The following CCDC47 variants were observed in gnomAD, a reference collection of about 807,000 sequenced individuals.
CCDC47 encodes the protein coiled-coil domain containing 47, also known as PAT complex subunit CCDC47.
CCDC47 carries 41 observed loss-of-function variants against 60.5 expected under a neutral mutation model. That is an observed-to-expected ratio of 0.68 (90% CI 0.53 to 0.88). The LOEUF (loss-of-function observed/expected upper bound fraction) is 0.88. Ranked by LOEUF, CCDC47 falls within the 40% of genes least tolerant of loss-of-function variation. The pLI, the probability that CCDC47 is intolerant of heterozygous loss-of-function variation, is 0.00. For synonymous variants in CCDC47, 195 were observed against 190.7 expected (o/e 1.02, Z -0.18); for missense variants, 513 against 580.9 (o/e 0.88, Z 1.20).
Position 63,756,356 on chromosome 17 carries a change from GGAA to G in CCDC47, c.838-9_838-7del. On this transcript the variant is annotated splice_region_variant and splice_polypyrimidine_tract_variant and intron_variant, in intron 7 of 12. Coordinates refer to ENST00000225726, the MANE Select transcript of CCDC47 (RefSeq NM_020198.3). Reference sequence around the variant, plus strand: ...TTATCACTACAAAACTCACTCTAGAGGAAGAAGTAATTGAAAGTAAGATATGAC... The same window carrying G: ...TTATCACTACAAAACTCACTCTAGAGGAAGTAATTGAAAGTAAGATATGAC... The G allele has an allele frequency of 6.2e-7, 1 of 1,609,962 alleles. No homozygotes were observed. The highest frequency in any genetic ancestry group is 8.5e-7 in the Non-Finnish European group (1 of 1,176,188).
At chr17:63,767,028 T>A in intron 1 of CCDC47, 1 of 651,712 alleles carries the variant, frequency 1.5e-6, no homozygotes, top group Non-Finnish European at 1.9e-6. Context: ...AGCAACTAAT[T>A]TAATCCTCAT....
intron 5 of CCDC47, 45 bp downstream of exon 5, chr17:63,761,184 CA>C (rs1266278428): frequency 1.2e-6 from 2 of 1,611,516 alleles, no homozygotes; most frequent in Middle Eastern, 1.6e-4. Context: ...CACAACTGGA[CA>C]AAATTAAGGG....
At chr17:63,764,663 A>C in intron 3 of CCDC47, 77 bp downstream of exon 3, 3 of 1,288,400 alleles carry the variant, frequency 2.3e-6, no homozygotes, top group Non-Finnish European at 3.3e-6. Context: ...CCAGCTATAC[A>C]TCATTAATTT....
At chr17:63,766,853 G>A (rs2039301623) in intron 1 of CCDC47, 1 of 980,982 alleles carries the variant, frequency 1.0e-6, no homozygotes, top group Non-Finnish European at 1.2e-6. Context: ...TAAAAATGAA[G>A]GAATAAGATG....
chr17:63,755,385 C>T, intron 8 of CCDC47: 14 of 712,632 alleles, frequency 2.0e-5, no homozygotes, highest in Non-Finnish European at 2.2e-5. Flanking sequence ...TTTGGGAGGC[C>T]AAGGTGGGTG....
intron 4 of CCDC47, among the ~76,000 whole-genome samples, chr17:63,763,746 C>T (rs2039277473): frequency 6.6e-6 from 1 of 151,822 alleles, no homozygotes; most frequent in Admixed American, 6.6e-5. Context: ...ATCGCTTGAA[C>T]CCAGGAGGTG....
intron 10 of CCDC47, 100 bp from the exon 11 acceptor site, chr17:63,752,529 T>C: frequency 1.2e-6 from 1 of 833,536 alleles, no homozygotes; most frequent in Non-Finnish European, 1.8e-6. Context: ...GACTCATTTC[T>C]CTAAGTTTGT....
At chr17:63,755,202 A>G (rs917282470) in intron 8 of CCDC47, 3 of 662,290 alleles carry the variant, frequency 4.5e-6, no homozygotes, top group African/African-American at 3.9e-5. Flanking sequence ...CCTGGACTCA[A>G]GTGATTCTCC....
intron 9 of CCDC47, chr17:63,753,552 C>A (rs1215357065): frequency 3.4e-5 from 26 of 757,192 alleles, no homozygotes; most frequent in Non-Finnish European, 4.2e-5. Context: ...AGTTTCAAAC[C>A]GAGCATAAAG....
intron 10 of CCDC47, 67 bp from the exon 11 acceptor site, chr17:63,752,496 CT>C (rs1235641713): frequency 0.18 from 141,022 of 785,580 alleles, 71 homozygotes; most frequent in East Asian, 0.24. Context: ...TCACCCAACT[CT>C]TTTTTTTTTT....
chr17:63,755,899 T>C (rs2144479598), intron 8 of CCDC47, among the ~76,000 whole-genome samples: 2 of 136,200 alleles, frequency 1.5e-5, no homozygotes, highest in African/African-American at 5.7e-5. Flanking sequence ...TACACATCCC[T>C]CTTCTCCCAC....
rs115000816 is a variant in CCDC47, at chr17:63,752,724, G to A, written c.1093+17C>T. 770 of 1,604,642 alleles carry A rather than the reference G, an allele frequency of 4.8e-4. 5 individuals are homozygous for A. In the African/African-American group the frequency reaches 9.3e-3, roughly 19 times the overall value. Reference sequence around the variant, plus strand: ...TCAGAGAAGACTAAGAACCCAGAAAGGACCCAGAATACTTACCATTAAATG... The same window carrying A: ...TCAGAGAAGACTAAGAACCCAGAAAAGACCCAGAATACTTACCATTAAATG... On this transcript the variant is annotated intron_variant, in intron 10 of 12. Coordinates refer to ENST00000225726, the MANE Select transcript of CCDC47 (RefSeq NM_020198.3).
At chr17:63,749,664 G>T (rs1054740060) in intron 12 of CCDC47, among the ~76,000 whole-genome samples, 1 of 151,892 alleles carries the variant, frequency 6.6e-6, no homozygotes, top group Admixed American at 6.6e-5. Context: ...CAGAAGAATC[G>T]CTTGAACCCG....
At chr17:63,752,539 T>C in intron 10 of CCDC47, 110 bp from the exon 11 acceptor site, 1 of 795,536 alleles carries the variant, frequency 1.3e-6, no homozygotes, top group East Asian at 2.8e-5. Context: ...TCTAAGTTTG[T>C]TAGGCAGTTA....
In CCDC47 at chr17:63,746,974, G is replaced by A; in HGVS notation, c.1372-13C>T. On this transcript the variant is annotated splice_polypyrimidine_tract_variant and intron_variant, in intron 12 of 12. Coordinates refer to ENST00000225726, the MANE Select transcript of CCDC47 (RefSeq NM_020198.3). The stretch of plus-strand genomic sequence containing the variant: ...TCAATGCAGCCTCCTAGAGAAAGAA[G>A]GGGTAATAAATAGAGAAAGGGAGTG... 1 of 1,612,476 alleles carries A rather than the reference G, an allele frequency of 6.2e-7. No homozygotes were observed. Among genetic ancestry groups the A allele is most frequent in the Non-Finnish European group, 8.5e-7 (1 of 1,179,042 alleles).
Position 63,746,863 on chromosome 17 carries a change from C to A in CCDC47, c.*18G>T. On this transcript the variant is annotated 3_prime_UTR_variant, in exon 13 of 13. Coordinates refer to ENST00000225726, the MANE Select transcript of CCDC47 (RefSeq NM_020198.3). ...AGAGCTTACAGGTGGCATCAGAACT[C>A]AAATCTCTGGGATGGCTTTACATGG... 1 of 1,596,584 alleles carries A rather than the reference C, an allele frequency of 6.3e-7. No homozygotes were observed. Among genetic ancestry groups the A allele is most frequent in the Non-Finnish European group, 8.6e-7 (1 of 1,164,344 alleles).
intron 1 of CCDC47, chr17:63,766,774 A>T: frequency 1.1e-6 from 1 of 943,698 alleles, no homozygotes; most frequent in Non-Finnish European, 1.3e-6. Flanking sequence ...CTGTCCATTT[A>T]CATAGAGTAT....
At chr17:63,773,125 A>C (rs1598314967) in intron 1 of CCDC47, among the ~76,000 whole-genome samples, 1 of 152,034 alleles carries the variant, frequency 6.6e-6, no homozygotes, top group Non-Finnish European at 1.5e-5. Context: ...CATTTTAGAA[A>C]CCTCCAGAAG....
rs1378834847 is a variant in CCDC47 at position 63,766,053 on chromosome 17, T to C, written c.123A>G (p.Glu41=). The change falls in exon 2 of 13, where the codon GAA becomes GAG. Residue 41 remains glutamate (E), a synonymous_variant. Coordinates refer to ENST00000225726, the MANE Select transcript of CCDC47 (RefSeq NM_020198.3). ...CAGAGTCTTCCATGACATCCTCAAA[T>C]TCAGCGAAGTCATTATCATCATACT... ...IVEYDDNDFA[E]FEDVMEDSVT... 8.1e-6 allele frequency: 13 copies of C among 1,614,108 alleles called. No individual in the cohort carries two copies. The highest frequency in any genetic ancestry group is 1.1e-5 in the Non-Finnish European group (13 of 1,180,008).
Sources: allele counts gnomAD v4.1 joint callset (sites outside exome capture counted in the v4.1 genomes callset), GRCh38; gene constraint gnomAD v4.1.1; transcripts MANE v1.5; gene names NCBI Gene and HGNC (gene_info 2026-07-23, HGNC 2026-07-21).